EPHB2: variants seen among roughly 807,000 people sequenced by gnomAD.
The protein encoded by EPHB2 is ephrin type-B receptor 2.
Under a neutral mutation model 96.4 loss-of-function variants are expected in EPHB2, and 18 were observed. The observed-to-expected ratio is 0.19, with a 90% CI of 0.13 to 0.28. EPHB2 has a LOEUF of 0.28. EPHB2 is among the 10% of genes least tolerant of loss of function. The pLI is 1.00. For synonymous variants in EPHB2, 506 were observed against 534.1 expected (o/e 0.95, Z 0.72); for missense variants, 989 against 1,355.4 (o/e 0.73, Z 4.25).
intron 1 of EPHB2, among the ~76,000 whole-genome samples, chr1:22,757,851 A>G (rs1265708460): frequency 1.2e-5 from 1 of 82,096 alleles, no homozygotes; most frequent in Non-Finnish European, 2.7e-5. Flanking sequence ...TGACATAGTG[A>G]GACCCTTTCC....
chr1:22,787,553 C>G (rs891257672), intron 3 of EPHB2, among the ~76,000 whole-genome samples: 4 of 152,046 alleles, frequency 2.6e-5, no homozygotes, highest in Admixed American at 6.5e-5. Context: ...AGTTTCAGAC[C>G]AACCTGGGCA....
At chr1:22,720,660 TCCCC>T (rs916713865) in intron 1 of EPHB2, among the ~76,000 whole-genome samples, 5 of 57,380 alleles carry the variant, frequency 8.7e-5, no homozygotes, top group South Asian at 2.6e-3. Context: ...GAAATCTCAT[TCCCC>T]CCCCCCCCCG....
intron 5 of EPHB2, among the ~76,000 whole-genome samples, chr1:22,879,142 C>A (rs921586265): frequency 1.3e-5 from 2 of 152,206 alleles, no homozygotes; most frequent in Non-Finnish European, 2.9e-5. Flanking sequence ...CTCCCAGAAT[C>A]TCTGGCAGCT....
chr1:22,717,643 T>C (rs74060649), intron 1 of EPHB2, among the ~76,000 whole-genome samples: 2,528 of 152,334 alleles, frequency 0.017, 61 homozygotes, highest in African/African-American at 0.058. Flanking sequence ...CTGTGTACCA[T>C]GACTGGCAGA....
intron 1 of EPHB2, among the ~76,000 whole-genome samples, chr1:22,739,013 A>G (rs1282662497): frequency 2.0e-5 from 3 of 152,054 alleles, no homozygotes; most frequent in Non-Finnish European, 4.4e-5. Context: ...TGTAAATCTA[A>G]TATTTTATTT....
chr1:22,874,381 C>T (rs1000533545), intron 5 of EPHB2, among the ~76,000 whole-genome samples: 1 of 152,186 alleles, frequency 6.6e-6, no homozygotes, highest in Non-Finnish European at 1.5e-5. Flanking sequence ...ACTGTCCCAC[C>T]AGGAGGCCAA....
chr1:22,713,916 G>A (rs1027288811), intron 1 of EPHB2, among the ~76,000 whole-genome samples: 5 of 152,336 alleles, frequency 3.3e-5, no homozygotes, highest in African/African-American at 1.2e-4. Context: ...CCAAGTGAAA[G>A]AAAGCATGGA....
intron 14 of EPHB2, 44 bp downstream of exon 14, chr1:22,910,619 CTT>C (rs752920385): frequency 6.4e-7 from 1 of 1,564,522 alleles, no homozygotes; most frequent in African/African-American, 2.5e-5. Flanking sequence ...CCCTGCCCCT[CTT>C]CCCGTCTCCC....
chr1:22,808,392 C>G (rs1644957156), intron 3 of EPHB2, among the ~76,000 whole-genome samples: 1 of 152,168 alleles, frequency 6.6e-6, no homozygotes, highest in Non-Finnish European at 1.5e-5. Context: ...AATAAAATGT[C>G]CCAATGATGG....
intron 3 of EPHB2, chr1:22,836,903 G>T (rs1322230583): frequency 5.3e-5 from 8 of 152,362 alleles, no homozygotes; most frequent in Non-Finnish European, 7.3e-5. Flanking sequence ...ACAGGCTCAG[G>T]AGGTAGACAG....
intron 3 of EPHB2, among the ~76,000 whole-genome samples, chr1:22,812,496 G>C (rs573075135): frequency 1.5e-4 from 23 of 152,332 alleles, no homozygotes; most frequent in African/African-American, 4.3e-4. Context: ...CCACCCGGTT[G>C]AGTGGGGGGA....
rs141892184 is a variant in EPHB2, at chr1:22,778,377, C to T, written c.62-3044C>T. On this transcript the variant is annotated intron_variant, in intron 1 of 15. Coordinates refer to ENST00000374630, the MANE Select transcript of EPHB2 (RefSeq NM_017449.5). ...AAGGGACAGAACTGGTGTTAGAATC[C>T]AGATCTCTGTTACCTCCAGAGCCCA... Among the ~76,000 whole-genome samples, 90 of 152,350 alleles carry T rather than the reference C, an allele frequency of 5.9e-4. 2 individuals are homozygous for T. The highest frequency in any genetic ancestry group is 2.1e-3 in the African/African-American group (86 of 41,590).
At chr1:22,813,479 G>A (rs1457168127) in intron 3 of EPHB2, among the ~76,000 whole-genome samples, 1 of 152,250 alleles carries the variant, frequency 6.6e-6, no homozygotes, top group Non-Finnish European at 1.5e-5. Flanking sequence ...CCGGCTCCTT[G>A]TGGGAGCACA....
chr1:22,727,422 G>T (rs896894506), intron 1 of EPHB2, among the ~76,000 whole-genome samples: 1 of 152,196 alleles, frequency 6.6e-6, no homozygotes, highest in Non-Finnish European at 1.5e-5. Context: ...GGGCTCCTCC[G>T]CATCCTGTCC....
chr1:22,786,018 G>A (rs1336425575), intron 3 of EPHB2, among the ~76,000 whole-genome samples: 2 of 152,230 alleles, frequency 1.3e-5, no homozygotes, highest in Admixed American at 6.5e-5. Context: ...AGTATAAGTG[G>A]TGTTTGAATA....
In EPHB2 at chr1:22,916,258, C is replaced by G. The variant is rs1174185945; in HGVS notation, c.*2688C>G. Reference sequence around the variant, plus strand: ...AACTGTTCTGGGGCCCCACATGGGGCTGGCAGTCGGTGCTTCCCGTCAGAT... The same window carrying G: ...AACTGTTCTGGGGCCCCACATGGGGGTGGCAGTCGGTGCTTCCCGTCAGAT... On this transcript the variant is annotated 3_prime_UTR_variant, in exon 16 of 16. Transcript: ENST00000374630. The surrounding 1 kb of genome is among the most constrained non-coding windows in gnomAD (Gnocchi z 4.2). 1.3e-5 allele frequency: 2 copies of G among 152,422 alleles called. No homozygotes were observed. The highest frequency in any genetic ancestry group is 1.3e-4 in the Admixed American group (2 of 15,282). 9.4% of individuals were successfully genotyped at this position (152,422 alleles called of 1,614,324 possible).
intron 3 of EPHB2, among the ~76,000 whole-genome samples, chr1:22,843,124 C>T (rs1645493185): frequency 6.6e-6 from 1 of 152,184 alleles, no homozygotes; most frequent in South Asian, 2.1e-4. Context: ...ATAGGTAATA[C>T]TAATGGCCAC....
In EPHB2 at chr1:22,784,647, C is replaced by T; in HGVS notation, c.382C>T (p.Pro128Ser). The T allele has an allele frequency of 6.2e-7, 1 of 1,614,090 alleles. No individual in the cohort carries two copies. The highest frequency in any genetic ancestry group is 8.5e-7 in the Non-Finnish European group (1 of 1,180,046). Residue 128 changes from proline to serine, a missense_variant, in exon 3 of 16, where the codon CCC becomes TCC. Physicochemically the swap from Pro to Ser is moderately conservative, Grantham distance 74. Coordinates refer to ENST00000374630, the MANE Select transcript of EPHB2 (RefSeq NM_017449.5). This position sits in a 1 kb window ranked among gnomAD's most constrained non-coding sequence, Gnocchi z 5.1. ...CTTTGACTCGGCCACCAAGACCTTC[C>T]CCAACTGGATGGAGAATCCATGGGT... ...ADFDSATKTF[P>S]NWMENPWVKV...
At chr1:22,741,137 C>T (rs1415644726) in intron 1 of EPHB2, among the ~76,000 whole-genome samples, 1 of 152,104 alleles carries the variant, frequency 6.6e-6, no homozygotes, top group African/African-American at 2.4e-5. Context: ...GCCCCGACCC[C>T]TGTTCTCTGA....
Sources: gnomAD v4.1 joint callset for allele counts (sites outside exome capture counted in the v4.1 genomes callset) on GRCh38, gnomAD v4.1.1 for gene constraint, Gnocchi (gnomAD v3.1) non-coding constraint, MANE v1.5 for transcripts, NCBI Gene and HGNC (gene_info 2026-07-23, HGNC 2026-07-21) for gene names.